Variants in SORCS1 observed in about 807,000 individuals in gnomAD.
SORCS1 encodes the protein sortilin related VPS10 domain containing receptor 1.
In SORCS1, 60 loss-of-function variants were observed where a neutral mutation model predicts 146.1. That is an observed-to-expected ratio of 0.41 (90% CI 0.33 to 0.51). SORCS1 has a LOEUF of 0.51. Ranked by LOEUF, SORCS1 falls within the 20% of genes least tolerant of loss-of-function variation. The pLI is 0.21. For missense variants in SORCS1, 1,352 were observed against 1,487.6 expected (o/e 0.91, Z 1.50); for synonymous variants, 637 against 584.0 (o/e 1.09, Z -1.31).
intron 2 of SORCS1, among the ~76,000 whole-genome samples, chr10:106,942,356 C>T (rs1954086916): frequency 6.6e-6 from 1 of 152,128 alleles, no homozygotes; most frequent in Admixed American, 6.5e-5. Flanking sequence ...CACTCAAGCC[C>T]CTCAGTTCCC....
chr10:107,104,942 T>G (rs145955524), intron 1 of SORCS1, among the ~76,000 whole-genome samples: 5 of 152,176 alleles, frequency 3.3e-5, no homozygotes, highest in African/African-American at 9.7e-5. Flanking sequence ...GAGCCAAGAA[T>G]GACCTGAATG....
At chr10:106,725,808 G>A (rs1327143928) in intron 6 of SORCS1, among the ~76,000 whole-genome samples, 1 of 151,092 alleles carries the variant, frequency 6.6e-6, no homozygotes, top group Non-Finnish European at 1.5e-5. Context: ...GTGCACGCCT[G>A]GAGTCCCAGC....
intron 23 of SORCS1, among the ~76,000 whole-genome samples, chr10:106,599,378 AGAG>A (rs989317142): frequency 9.9e-5 from 15 of 151,488 alleles, no homozygotes; most frequent in East Asian, 1.9e-4. Context: ...AAAAAAAAAA[AGAG>A]GAGGAGGAGG....
intron 18 of SORCS1, among the ~76,000 whole-genome samples, chr10:106,629,731 T>A (rs745381739): frequency 1.3e-5 from 2 of 152,186 alleles, no homozygotes; most frequent in African/African-American, 4.8e-5. Flanking sequence ...ATAAAAGGTG[T>A]ACACACACAA....
chr10:106,776,931 A>T (rs1267647078), intron 3 of SORCS1, among the ~76,000 whole-genome samples: 2 of 152,190 alleles, frequency 1.3e-5, no homozygotes, highest in African/African-American at 4.8e-5. Flanking sequence ...GATGAAATAG[A>T]TAACTGTATT....
intron 2 of SORCS1, among the ~76,000 whole-genome samples, chr10:106,927,532 T>C (rs10884384): frequency 0.55 from 83,507 of 151,966 alleles, 24,007 homozygotes; most frequent in Non-Finnish European, 0.63. Context: ...GAAGGGGACA[T>C]GAGCGGGTTG....
At chr10:107,140,793 T>G (rs1348140469) in intron 1 of SORCS1, among the ~76,000 whole-genome samples, 2 of 152,188 alleles carry the variant, frequency 1.3e-5, no homozygotes, top group Non-Finnish European at 2.9e-5. Context: ...ATGCTTTACA[T>G]GCATGATCTC....
At chr10:106,701,786 T>G (rs1006264697) in intron 8 of SORCS1, among the ~76,000 whole-genome samples, 1 of 152,258 alleles carries the variant, frequency 6.6e-6, no homozygotes, top group African/African-American at 2.4e-5. Flanking sequence ...AATGAAACTC[T>G]GTGTCTCATA....
At chr10:106,797,895 C>T (rs893914784) in intron 3 of SORCS1, among the ~76,000 whole-genome samples, 2 of 152,066 alleles carry the variant, frequency 1.3e-5, no homozygotes, top group African/African-American at 4.8e-5. Flanking sequence ...TAAAACTAAC[C>T]GTAGGCAGAG....
chr10:106,824,035 G>A, intron 3 of SORCS1, among the ~76,000 whole-genome samples: 1 of 152,214 alleles, frequency 6.6e-6, no homozygotes, highest in East Asian at 1.9e-4. Context: ...CTGGCGTGGT[G>A]GCTCATGCTT....
chr10:106,850,451 C>G (rs370381900), intron 2 of SORCS1, among the ~76,000 whole-genome samples: 14 of 152,164 alleles, frequency 9.2e-5, no homozygotes, highest in Admixed American at 6.5e-4. Flanking sequence ...GGCTCGCACA[C>G]GGTGCGCGCA....
intron 4 of SORCS1, among the ~76,000 whole-genome samples, chr10:106,769,871 A>G (rs1323300200): frequency 1.3e-5 from 2 of 152,108 alleles, no homozygotes; most frequent in Non-Finnish European, 2.9e-5. Context: ...GAGGCGGATC[A>G]CTTGAGGCCA....
At chr10:106,918,518 C>T (rs1208343882) in intron 2 of SORCS1, among the ~76,000 whole-genome samples, 1 of 152,012 alleles carries the variant, frequency 6.6e-6, no homozygotes, top group Non-Finnish European at 1.5e-5. Flanking sequence ...TTGCTACATA[C>T]CCTCACATAC....
intron 2 of SORCS1, among the ~76,000 whole-genome samples, chr10:106,951,473 C>A (rs550223373): frequency 1.4e-4 from 20 of 147,014 alleles, no homozygotes; most frequent in African/African-American, 5.0e-4. Context: ...GATCACGCCA[C>A]TGCACTCCAG....
intron 1 of SORCS1, among the ~76,000 whole-genome samples, chr10:107,008,641 C>A (rs1003371627): frequency 6.6e-6 from 1 of 152,158 alleles, no homozygotes; most frequent in Non-Finnish European, 1.5e-5. Flanking sequence ...ATTCTGCATA[C>A]TGGATAAATT....
chr10:106,755,655 GC>G (rs1858581256), intron 5 of SORCS1, among the ~76,000 whole-genome samples: 1 of 151,838 alleles, frequency 6.6e-6, no homozygotes, highest in African/African-American at 2.4e-5. Context: ...CTTGAACCAT[GC>G]AGTTTGATTA....
chr10:107,159,552 G>A (rs982745369), intron 1 of SORCS1, among the ~76,000 whole-genome samples: 2 of 151,994 alleles, frequency 1.3e-5, no homozygotes, highest in Non-Finnish European at 2.9e-5. Context: ...TTGTATCCAC[G>A]ATGTCGCCTC....
chr10:107,174,444 G>A, the SORCS1 span, among the ~76,000 whole-genome samples: 4 of 151,980 alleles, frequency 2.6e-5, no homozygotes, highest in Non-Finnish European at 5.9e-5. Flanking sequence ...TCCTGACCTC[G>A]TGATCCACCC....
intron 1 of SORCS1, 89 bp from the exon 2 acceptor site, chr10:106,956,669 T>C: frequency 9.6e-7 from 1 of 1,039,260 alleles, no homozygotes. Context: ...TAGGATTCCT[T>C]TAATAGTCAC....
Sources: gnomAD v4.1 joint callset for allele counts (sites outside exome capture counted in the v4.1 genomes callset) on GRCh38, gnomAD v4.1.1 for gene constraint, MANE v1.5 for transcripts, NCBI Gene and HGNC (gene_info 2026-07-23, HGNC 2026-07-21) for gene names.